Variants in NINL observed in about 807,000 individuals in gnomAD.
The protein encoded by NINL is ninein-like protein.
Under a neutral mutation model 160.3 loss-of-function variants are expected in NINL, and 153 were observed. The observed-to-expected ratio is 0.95, with a 90% CI of 0.84 to 1.09. The LOEUF is 1.09. Ranked by LOEUF, NINL falls within the 50% of genes least tolerant of loss-of-function variation. NINL has a pLI of 0.00. For missense variants in NINL, 1,829 were observed against 1,764.0 expected (o/e 1.04, Z -0.66); for synonymous variants, 800 against 734.8 (o/e 1.09, Z -1.43).
intron 1 of NINL, among the ~76,000 whole-genome samples, chr20:25,532,343 C>T (rs999673760): frequency 8.5e-5 from 13 of 152,218 alleles, no homozygotes; most frequent in African/African-American, 2.9e-4. Context: ...CGTATGACTA[C>T]GAATAAAGCA....
intron 1 of NINL, among the ~76,000 whole-genome samples, chr20:25,546,397 T>C (rs1190912780): frequency 6.6e-6 from 1 of 152,124 alleles, no homozygotes; most frequent in Admixed American, 6.5e-5. Flanking sequence ...CAGAGCATAA[T>C]GTTATAGAAC....
chr20:25,546,721 C>G (rs1410139134), intron 1 of NINL, among the ~76,000 whole-genome samples: 10 of 152,026 alleles, frequency 6.6e-5, no homozygotes, highest in Non-Finnish European at 1.0e-4. Context: ...GGCTCTTGAA[C>G]ATGTGGAGAG....
rs2063243862 is a variant in NINL at position 25,476,490 on chromosome 20, T to C, written c.2801A>G (p.Glu934Gly). Reference protein sequence around the residue: ...EPFGASAAGLEQPGARELPLL... With the variant: ...EPFGASAAGLGQPGARELPLL... Reference sequence around the variant, plus strand: ...AGGCAGCTCCCGGGCTCCAGGCTGCTCCAGCCCCGCTGCGCTCGCGCCGAA... The same window carrying C: ...AGGCAGCTCCCGGGCTCCAGGCTGCCCCAGCCCCGCTGCGCTCGCGCCGAA... The change falls in exon 17 of 24, where the codon GAG becomes GGG. Residue 934 changes from glutamate to glycine, a missense_variant. By Grantham distance (98) the Glu-to-Gly change is moderately conservative. Coordinates refer to ENST00000278886, the MANE Select transcript of NINL (RefSeq NM_025176.6). 1.2e-6 allele frequency: 2 copies of C among 1,604,784 alleles called. No individual in the cohort carries two copies. The highest frequency in any genetic ancestry group is 1.1e-5 in the South Asian group (1 of 91,070).
chr20:25,481,552 G>T (rs1016720242), intron 14 of NINL, among the ~76,000 whole-genome samples: 41 of 152,230 alleles, frequency 2.7e-4, no homozygotes, highest in African/African-American at 9.9e-4. Context: ...GACTTGGGGG[G>T]TGGTGCCAGC....
chr20:25,460,842 T>C (rs2062766911), intron 21 of NINL, among the ~76,000 whole-genome samples: 1 of 152,158 alleles, frequency 6.6e-6, no homozygotes, highest in African/African-American at 2.4e-5. Context: ...CACAGCCCCC[T>C]TTCCTCTCTG....
intron 21 of NINL, among the ~76,000 whole-genome samples, chr20:25,460,915 C>T (rs535379103): frequency 6.6e-6 from 1 of 152,298 alleles, no homozygotes; most frequent in South Asian, 2.1e-4. Context: ...CTCTGGGCAC[C>T]TTTGGCCGTT....
At chr20:25,472,324 G>GAGAT (rs1491225365) in intron 17 of NINL, among the ~76,000 whole-genome samples, 12 of 83,956 alleles carry the variant, frequency 1.4e-4, no homozygotes, top group Middle Eastern at 8.8e-3. Context: ...GGGAGGAGAG[G>GAGAT]ATATATATAT....
rs576055785 is a variant in NINL, at chr20:25,583,738, G to A, written c.-12+1717C>T. Among the ~76,000 whole-genome samples the A allele has an allele frequency of 5.3e-5, 8 of 152,210 alleles. No individual in the cohort carries two copies. In the South Asian group the frequency reaches 1.7e-3, roughly 32 times the overall value. On this transcript the variant is annotated intron_variant, in intron 1 of 23. Coordinates refer to ENST00000278886, the MANE Select transcript of NINL (RefSeq NM_025176.6). ...TGGAACCAACCCAAATGCCCATCAC[G>A]GATAGACTGAATAAAGAAAATGTGG...
intron 22 of NINL, 145 bp downstream of exon 22, chr20:25,458,238 C>T: frequency 8.9e-7 from 1 of 1,129,488 alleles, no homozygotes; most frequent in Admixed American, 1.8e-5. Flanking sequence ...TGCCTCTCTC[C>T]CTACAGCCTT....
chr20:25,496,880 C>T, intron 9 of NINL, 77 bp from the exon 10 acceptor site: 1 of 1,562,012 alleles, frequency 6.4e-7, no homozygotes, highest in Non-Finnish European at 8.7e-7. Flanking sequence ...CTCTGGGCCC[C>T]ATATCTGCAT....
intron 18 of NINL, among the ~76,000 whole-genome samples, chr20:25,468,598 CTCTGTCCTGTCCCCT>C (rs1183543372): frequency 8.5e-4 from 119 of 140,032 alleles, no homozygotes; most frequent in African/African-American, 3.0e-3. Context: ...GTCTGTGCCC[CTCTGTCCTGTCCCCT>C]GACTCTCACT....
chr20:25,495,303 C>T (rs1210112476), intron 10 of NINL, among the ~76,000 whole-genome samples: 2 of 152,220 alleles, frequency 1.3e-5, no homozygotes, highest in Non-Finnish European at 2.9e-5. Flanking sequence ...CATCTGCAGG[C>T]TCACCCTGGG....
chr20:25,509,856 G>T, intron 5 of NINL: 1 of 380,696 alleles, frequency 2.6e-6, no homozygotes, highest in South Asian at 2.0e-5. Flanking sequence ...GCAAACACAA[G>T]ATAATTAAAA....
At chr20:25,471,063 A>G (rs1477277544) in intron 17 of NINL, among the ~76,000 whole-genome samples, 1 of 152,104 alleles carries the variant, frequency 6.6e-6, no homozygotes, top group Non-Finnish European at 1.5e-5. Flanking sequence ...TCTGTCACCC[A>G]GGCTGGAGTA....
rs147666178 is a variant in NINL at position 25,493,840 on chromosome 20, C to A, written c.1311-2315G>T. Among the ~76,000 whole-genome samples, 209 of 150,314 alleles carry A rather than the reference C, an allele frequency of 1.4e-3. 1 individual carries two copies. The highest frequency in any genetic ancestry group is 4.9e-3 in the African/African-American group (195 of 39,670). On this transcript the variant is annotated intron_variant, in intron 10 of 23. Transcript: ENST00000278886. ...TCGGGCCTTGAGGCCTGGCCCAGCA[C>A]CTCCATGTGGAGGGCAAGGGCCCCA...
intron 1 of NINL, among the ~76,000 whole-genome samples, chr20:25,534,714 C>G (rs1294706458): frequency 6.6e-6 from 1 of 152,224 alleles, no homozygotes; most frequent in Non-Finnish European, 1.5e-5. Context: ...TATGTACTGT[C>G]ATCCCTCAAT....
Position 25,477,022 on chromosome 20 carries a change from G to C in NINL, c.2269C>G (p.Leu757Val). 1 of 1,600,430 alleles carries C rather than the reference G, an allele frequency of 6.2e-7. No individual in the cohort carries two copies. The highest frequency in any genetic ancestry group is 8.5e-7 in the Non-Finnish European group (1 of 1,179,746). Residue 757 changes from leucine to valine, a missense_variant, in exon 17 of 24, where the codon CTG (leucine) becomes GTG (valine). Transcript: ENST00000278886. Reference protein sequence around the residue: ...GLGALPARRDLTLELEEPPQG... With the variant: ...GLGALPARRDVTLELEEPPQG... Reference sequence around the variant, plus strand: ...GGCGGCTCCTCCAGCTCCAAGGTCAGGTCTCTGCGAGCGGGCAGGGCTCCC... The same window carrying C: ...GGCGGCTCCTCCAGCTCCAAGGTCACGTCTCTGCGAGCGGGCAGGGCTCCC...
chr20:25,553,103 G>GTTTTTTTTTTTTTTT, intron 1 of NINL, among the ~76,000 whole-genome samples: 1 of 58,048 alleles, frequency 1.7e-5, no homozygotes, highest in Non-Finnish European at 3.5e-5. Flanking sequence ...ACCCTTGTTG[G>GTTTTTTTTTTTTTTT]GTTTTTTTTT....
At chr20:25,574,795 G>C (rs2065096035) in intron 1 of NINL, among the ~76,000 whole-genome samples, 1 of 150,976 alleles carries the variant, frequency 6.6e-6, no homozygotes, top group Non-Finnish European at 1.5e-5. Flanking sequence ...GTGTAGATGT[G>C]GGCATGAGGG....
Sources: allele counts gnomAD v4.1 joint callset (sites outside exome capture counted in the v4.1 genomes callset), GRCh38; gene constraint gnomAD v4.1.1; transcripts MANE v1.5; gene names NCBI Gene and HGNC (gene_info 2026-07-23, HGNC 2026-07-21).